The following MGST1 variants were observed in gnomAD, a reference collection of about 807,000 sequenced individuals.
MGST1 encodes the protein microsomal glutathione S-transferase 1.
In MGST1, 5 loss-of-function variants were observed where a neutral mutation model predicts 8.9. That is an observed-to-expected ratio of 0.56 (90% CI 0.29 to 1.19). The LOEUF is 1.19. MGST1 is among the 50% of genes most tolerant of loss of function. The probability of loss-of-function intolerance (pLI) is 0.08; values close to 1 mark genes in which losing one functional copy is unlikely to be tolerated. For synonymous variants in MGST1, 54 were observed against 67.8 expected, an observed-to-expected ratio of 0.80 and a Z score of 1.00; for missense variants, 182 against 187.4, an observed-to-expected ratio of 0.97 and a Z score of 0.17.
chr12:16,371,029 C>T (rs200256355), intron 3 of MGST1, among the ~76,000 whole-genome samples: 3 of 152,048 alleles, frequency 2.0e-5, no homozygotes, highest in South Asian at 2.1e-4. Flanking sequence ...GTTACTTTTC[C>T]GAAAAATTCA....
chr12:16,433,057 G>A (rs1286782061), intron 1 of MGST1, among the ~76,000 whole-genome samples: 1 of 152,082 alleles, frequency 6.6e-6, no homozygotes, highest in African/African-American at 2.4e-5. Flanking sequence ...ATCACAAGGT[G>A]AGGTTCCACA....
chr12:16,452,476 A>G (rs1305943598), intron 4 of MGST1, among the ~76,000 whole-genome samples: 2 of 151,742 alleles, frequency 1.3e-5, no homozygotes, highest in East Asian at 3.9e-4. Flanking sequence ...TCCATTGCTG[A>G]TAAGAACTCA....
At chr12:16,483,549 A>G (rs973420305) in intron 4 of MGST1, among the ~76,000 whole-genome samples, 8 of 152,278 alleles carry the variant, frequency 5.3e-5, no homozygotes, top group Admixed American at 3.3e-4. Context: ...ACATAGATAT[A>G]TTAATATCAG....
chr12:16,414,623 G>GTT (rs1340399459), intron 1 of MGST1, among the ~76,000 whole-genome samples: 3 of 151,648 alleles, frequency 2.0e-5, no homozygotes, highest in Non-Finnish European at 4.4e-5. Context: ...CATCATGTTA[G>GTT]CCAGGATAGT....
rs1187472208 is a variant in MGST1, at chr12:16,484,943, C to T, written n.482+101339C>T. On this transcript the variant is annotated intron_variant and non_coding_transcript_variant, in intron 4 of 4. Transcript: ENST00000538857. ...ACCTAAACCCTGATCACTATGCCCACTATATTCATTTATTCATCTCTCACT... is the reference window on the plus strand; with the variant it reads ...ACCTAAACCCTGATCACTATGCCCATTATATTCATTTATTCATCTCTCACT... 2.0e-5 allele frequency among the ~76,000 whole-genome samples: 3 copies of T among 152,204 alleles called. No individual in the cohort carries two copies. The East Asian group carries it at 5.8e-4, about 29-fold the overall frequency.
At chr12:16,358,244 G>A (rs985051139) in intron 3 of MGST1, among the ~76,000 whole-genome samples, 3 of 152,094 alleles carry the variant, frequency 2.0e-5, no homozygotes, top group African/African-American at 7.2e-5. Context: ...TATCACCCAG[G>A]TAGTGAGCAT....
At chr12:16,402,269 GGC>G (rs1468844155) in intron 1 of MGST1, 59 of 1,589,098 alleles carry the variant, frequency 3.7e-5, no homozygotes, top group Non-Finnish European at 4.7e-5. Context: ...ATGTCTGTAA[GGC>G]AGTTGATTTG....
chr12:16,494,552 TTTAA>T (rs1427617013), intron 4 of MGST1, among the ~76,000 whole-genome samples: 4 of 152,160 alleles, frequency 2.6e-5, no homozygotes, highest in African/African-American at 9.7e-5. Context: ...TGACAAAATG[TTTAA>T]TTAACATTTA....
At chr12:16,388,334 G>A (rs572620647) in intron 1 of MGST1, among the ~76,000 whole-genome samples, 91 of 152,192 alleles carry the variant, frequency 6.0e-4, no homozygotes, top group Non-Finnish European at 1.1e-3. Flanking sequence ...TTGCAGGATT[G>A]GAAGTTGCTG....
chr12:16,471,967 C>G (rs1209087952), intron 4 of MGST1, among the ~76,000 whole-genome samples: 1 of 151,846 alleles, frequency 6.6e-6, no homozygotes, highest in Non-Finnish European at 1.5e-5. Context: ...ACACATTGTC[C>G]GCTCCACATA....
rs1591720934 is a variant in MGST1, at chr12:16,413,909, A to G, written n.779-23479A>G. 6.6e-6 allele frequency among the ~76,000 whole-genome samples: 1 copy of G among 152,300 alleles called. No homozygotes were observed. The highest frequency in any genetic ancestry group is 3.4e-3 in the Middle Eastern group (1 of 294). On this transcript the variant is annotated intron_variant and non_coding_transcript_variant, in intron 1 of 1. Transcript: ENST00000359720. This position sits in a 1 kb window ranked among gnomAD's most constrained non-coding sequence, Gnocchi z 4.0. ...TATATTAATATGAATATGTGAATGTATATTATTTTCTTCTTACAAACATAA... is the reference window on the plus strand; with the variant it reads ...TATATTAATATGAATATGTGAATGTGTATTATTTTCTTCTTACAAACATAA...
intron 1 of MGST1, among the ~76,000 whole-genome samples, chr12:16,416,137 A>T (rs928980501): frequency 1.3e-5 from 2 of 152,296 alleles, no homozygotes; most frequent in South Asian, 2.1e-4. Context: ...TAAGATATAA[A>T]ATGAGACCAT....
chr12:16,570,311 T>G (rs1206097637), intron 4 of MGST1, among the ~76,000 whole-genome samples: 2 of 152,142 alleles, frequency 1.3e-5, no homozygotes, highest in East Asian at 3.8e-4. Context: ...AATTACCTTC[T>G]TTTCTATCTT....
chr12:16,439,925 A>G (rs535007207), downstream of MGST1, among the ~76,000 whole-genome samples: 14 of 151,898 alleles, frequency 9.2e-5, no homozygotes, highest in African/African-American at 3.1e-4. Context: ...TTTTAACATC[A>G]AAGCTCAAAA....
intron 1 of MGST1, among the ~76,000 whole-genome samples, chr12:16,384,043 ATTC>A (rs1199741098): frequency 6.6e-6 from 1 of 152,144 alleles, no homozygotes. Context: ...AACAGGGGGA[ATTC>A]TTCATTGAAA....
intron 4 of MGST1, among the ~76,000 whole-genome samples, chr12:16,452,734 A>G (rs1429028162): frequency 6.6e-6 from 1 of 151,888 alleles, no homozygotes; most frequent in African/African-American, 2.4e-5. Flanking sequence ...TATTTAAACT[A>G]AAAAATGTTT....
At chr12:16,550,675 CTT>C (rs1296447695) in intron 4 of MGST1, 1 of 152,310 alleles carries the variant, frequency 6.6e-6, no homozygotes, top group Non-Finnish European at 1.5e-5. Context: ...CTGTGTGTGT[CTT>C]TATTTTTTAG....
chr12:16,519,788 G>C (rs1941637482), intron 4 of MGST1, among the ~76,000 whole-genome samples: 1 of 152,020 alleles, frequency 6.6e-6, no homozygotes, highest in Non-Finnish European at 1.5e-5. Context: ...GTTTGTTTCA[G>C]TACTTTGTTC....
At chr12:16,446,258 G>C (rs764717717) in intron 4 of MGST1, among the ~76,000 whole-genome samples, 17 of 151,898 alleles carry the variant, frequency 1.1e-4, no homozygotes, top group Non-Finnish European at 2.4e-4. Flanking sequence ...CAAATAGCTA[G>C]AGGTGCAGTT....
Sources: gnomAD v4.1 joint callset for allele counts (sites outside exome capture counted in the v4.1 genomes callset) on GRCh38, gnomAD v4.1.1 for gene constraint, Gnocchi (gnomAD v3.1) non-coding constraint, MANE v1.5 for transcripts, NCBI Gene and HGNC (gene_info 2026-07-23, HGNC 2026-07-21) for gene names.